Variants in ST3GAL2 observed in about 807,000 individuals in gnomAD.
ST3GAL2 encodes ST3 beta-galactoside alpha-2,3-sialyltransferase 2.
A neutral mutation model predicts 37.5 loss-of-function variants in ST3GAL2; 16 were observed. The observed-to-expected ratio is 0.43, with a 90% CI of 0.29 to 0.65. The LOEUF is 0.65. Ranked by LOEUF, ST3GAL2 falls within the 30% of genes least tolerant of loss-of-function variation. The pLI is 0.17. For synonymous variants in ST3GAL2, 238 were observed against 202.9 expected, an observed-to-expected ratio of 1.17 and a Z score of -1.47; for missense variants, 383 against 487.8, an observed-to-expected ratio of 0.79 and a Z score of 2.02.
intron 1 of ST3GAL2, among the ~76,000 whole-genome samples, chr16:70,421,428 T>C (rs902274239): frequency 1.3e-5 from 2 of 152,168 alleles, no homozygotes; most frequent in Non-Finnish European, 2.9e-5. Flanking sequence ...TGACCTGCCC[T>C]CCTGGATCTG....
intron 1 of ST3GAL2, among the ~76,000 whole-genome samples, chr16:70,411,161 G>C (rs1316273295): frequency 6.6e-6 from 1 of 152,150 alleles, no homozygotes; most frequent in Non-Finnish European, 1.5e-5. Context: ...GAGGCAGGCA[G>C]ATCACCTGAG....
intron 1 of ST3GAL2, among the ~76,000 whole-genome samples, chr16:70,414,666 G>C (rs897366259): frequency 7.2e-5 from 11 of 151,854 alleles, no homozygotes; most frequent in Admixed American, 5.9e-4. Context: ...TCATTTCCAG[G>C]CCAAGATTCT....
At chr16:70,417,852 G>A (rs962307488) in intron 1 of ST3GAL2, among the ~76,000 whole-genome samples, 2 of 152,030 alleles carry the variant, frequency 1.3e-5, no homozygotes, top group African/African-American at 2.4e-5. Flanking sequence ...ATCTCCCAAC[G>A]CTGCCCTCTG....
chr16:70,386,595 C>A (rs1260074161), intron 4 of ST3GAL2, among the ~76,000 whole-genome samples: 1 of 152,038 alleles, frequency 6.6e-6, no homozygotes, highest in Non-Finnish European at 1.5e-5. Flanking sequence ...CATCGGCCTC[C>A]CAAAGGGCTG....
rs1337115320 is a variant in ST3GAL2, at chr16:70,378,844, AATT to A, written c.*2842_*2844del. 5 of 152,028 alleles carry A rather than the reference AATT, an allele frequency of 3.3e-5. No homozygotes were observed. The highest frequency in any genetic ancestry group is 7.3e-5 in the Non-Finnish European group (5 of 68,050). The allele number at this position is 152,028 out of a possible 1,614,324, so 9.4% of individuals were successfully genotyped here. A position where few individuals can be genotyped will look rare whatever the true frequency, so the allele number is the denominator to read the frequency against. On this transcript the variant is annotated 3_prime_UTR_variant, in exon 7 of 7. Transcript: ENST00000342907. Reference sequence around the variant, plus strand: ...AAACCCGTCTCTACTAAAAATATAAAATTATCCGGGAGTGGTGGTGCATGCCTG... The same window carrying A: ...AAACCCGTCTCTACTAAAAATATAAAATCCGGGAGTGGTGGTGCATGCCTG...
At chr16:70,407,571 T>C (rs2047601171) in intron 1 of ST3GAL2, among the ~76,000 whole-genome samples, 1 of 152,102 alleles carries the variant, frequency 6.6e-6, no homozygotes, top group Non-Finnish European at 1.5e-5. Flanking sequence ...GCAGCCAGGA[T>C]CCAGAGGTCA....
intron 1 of ST3GAL2, among the ~76,000 whole-genome samples, chr16:70,403,117 G>GTT: frequency 6.6e-6 from 1 of 150,724 alleles, no homozygotes; most frequent in Non-Finnish European, 1.5e-5. Flanking sequence ...GACCAGAAAG[G>GTT]AACTGTTGCA....
At chr16:70,418,179 A>G (rs912140082) in intron 1 of ST3GAL2, among the ~76,000 whole-genome samples, 1 of 152,200 alleles carries the variant, frequency 6.6e-6, no homozygotes, top group African/African-American at 2.4e-5. Context: ...TGGCAGCCAG[A>G]CTGGGAAGAG....
intron 1 of ST3GAL2, among the ~76,000 whole-genome samples, chr16:70,425,586 A>C (rs1207406842): frequency 1.3e-5 from 2 of 152,092 alleles, no homozygotes; most frequent in Non-Finnish European, 2.9e-5. Flanking sequence ...TGAACGTTAG[A>C]ATGTAAAATG....
intron 4 of ST3GAL2, among the ~76,000 whole-genome samples, chr16:70,387,642 C>G (rs1366099349): frequency 2.0e-5 from 3 of 152,102 alleles, no homozygotes; most frequent in African/African-American, 7.2e-5. Context: ...GGATTATACA[C>G]ATTAAATAGG....
At position 70,427,823 on chromosome 16, in the gene ST3GAL2, TCA is replaced by T. The variant is rs2047762142; in HGVS notation, c.-1004+11124_-1004+11125del. On this transcript the variant is annotated intron_variant, in intron 1 of 6. Transcript: ENST00000342907. ...CTATTTCTCGCTCTGTCTACAACCA[TCA>T]CTCCATCCAAGGAAATGTCATTCTT... Among the ~76,000 whole-genome samples, 6 of 152,174 alleles carry T rather than the reference TCA, an allele frequency of 3.9e-5. No homozygotes were observed. The South Asian group carries it at 1.2e-3, about 32-fold the overall frequency.
chr16:70,383,086 C>T (rs1359776414), intron 5 of ST3GAL2, 104 bp downstream of exon 5: 1 of 1,584,232 alleles, frequency 6.3e-7, no homozygotes, highest in African/African-American at 1.4e-5. Context: ...AGATGGGGAC[C>T]CTGAGGTTCT....
intron 1 of ST3GAL2, among the ~76,000 whole-genome samples, chr16:70,411,120 C>T (rs568120645): frequency 2.0e-5 from 3 of 152,234 alleles, no homozygotes; most frequent in South Asian, 4.1e-4. Context: ...CGCAGTGGCT[C>T]ACAACTGTAA....
chr16:70,402,095 T>C lies in ST3GAL2; in HGVS notation c.-1003-2562A>G, dbSNP rs550597508. On this transcript the variant is annotated intron_variant, in intron 1 of 6. Coordinates refer to ENST00000342907, the MANE Select transcript of ST3GAL2 (RefSeq NM_006927.4). Reference sequence around the variant, plus strand: ...CGGGTGGATCACCTGAGGTTGGGAGTTCGAGACCAGCCTGACCAACGTGAA... The same window carrying C: ...CGGGTGGATCACCTGAGGTTGGGAGCTCGAGACCAGCCTGACCAACGTGAA... 3.4e-5 allele frequency among the ~76,000 whole-genome samples: 5 copies of C among 147,200 alleles called. No individual in the cohort carries two copies. In the South Asian group the frequency reaches 1.1e-3, roughly 32 times the overall value.
Position 70,399,123 on chromosome 16 carries a change from G to A in ST3GAL2, c.-593C>T, listed in dbSNP as rs1040997275. The A allele has an allele frequency of 1.0e-5, 4 of 399,964 alleles. No homozygotes were observed. The highest frequency in any genetic ancestry group is 8.2e-5 in the African/African-American group (4 of 48,624). 24.8% of individuals were successfully genotyped at this position (399,964 alleles called of 1,614,324 possible). ...GGGAGCCAGACCCCAACCCTGAGAG[G>A]ACAAAAACAGGAAGCTCTGTGAGTG... On this transcript the variant is annotated 5_prime_UTR_variant, in exon 2 of 7. Coordinates refer to ENST00000342907, the MANE Select transcript of ST3GAL2 (RefSeq NM_006927.4).
intron 4 of ST3GAL2, 51 bp downstream of exon 4, chr16:70,388,316 C>G: frequency 6.2e-7 from 1 of 1,610,318 alleles, no homozygotes; most frequent in Non-Finnish European, 8.5e-7. Context: ...GAAGACTCTG[C>G]CCAAGATGGT....
rs558264708 is a variant in ST3GAL2 at position 70,379,379 on chromosome 16, G to T, written c.*2310C>A. On this transcript the variant is annotated 3_prime_UTR_variant, in exon 7 of 7. Transcript: ENST00000342907. ...GGAATGAGGTGCCTCCTGTATAGGTGGGGGAGGGTATCTGGGAGTCATCTC... is the reference window on the plus strand; with the variant it reads ...GGAATGAGGTGCCTCCTGTATAGGTTGGGGAGGGTATCTGGGAGTCATCTC... The T allele has an allele frequency of 6.6e-6, 1 of 152,292 alleles. No homozygotes were observed. The highest frequency in any genetic ancestry group is 2.4e-5 in the African/African-American group (1 of 41,544). 9.4% of individuals were successfully genotyped at this position (152,292 alleles called of 1,614,324 possible).
chr16:70,388,414 C>T lies in ST3GAL2; in HGVS notation c.666G>A (p.Leu222=), dbSNP rs2047457609. The change falls in exon 4 of 7, where the codon CTG becomes CTA. Residue 222 remains leucine, a synonymous_variant. Coordinates refer to ENST00000342907, the MANE Select transcript of ST3GAL2 (RefSeq NM_006927.4). ...AGGCGCTGGCGATCCACAGAAGGTCCAGGACCTTGAAGGGCACCAGCACGA... is the reference window on the plus strand; with the variant it reads ...AGGCGCTGGCGATCCACAGAAGGTCTAGGACCTTGAAGGGCACCAGCACGA... ...VSFVLVPFKV[L]DLLWIASALS... is the part of the protein sequence containing the mutation. 2 of 1,614,188 alleles carry T rather than the reference C, an allele frequency of 1.2e-6. No homozygotes were observed. The highest frequency in any genetic ancestry group is 1.7e-6 in the Non-Finnish European group (2 of 1,180,036).
Position 70,398,399 on chromosome 16 carries a change from C to G in ST3GAL2, c.132G>C (p.Gly44=). Residue 44 remains glycine, a synonymous_variant, in exon 2 of 7, where the codon GGG becomes GGC. Transcript: ENST00000342907. ...CGGGCACCAGCTTCACCCGGTGCGT[C>G]CCATCCAGGGCCCCTGAGTCCAGGT... ...LPYLDSGALD[G]THRVKLVPGY... 1 of 1,613,686 alleles carries G rather than the reference C, an allele frequency of 6.2e-7. No individual in the cohort carries two copies. Among genetic ancestry groups the G allele is most frequent in the Non-Finnish European group, 8.5e-7 (1 of 1,180,012 alleles).
Sources: gnomAD v4.1 joint callset for allele counts (sites outside exome capture counted in the v4.1 genomes callset) on GRCh38, gnomAD v4.1.1 for gene constraint, MANE v1.5 for transcripts, NCBI Gene and HGNC (gene_info 2026-07-23, HGNC 2026-07-21) for gene names.